Variants in SDK1 observed in about 807,000 individuals in gnomAD.
The protein encoded by SDK1 is protein sidekick-1.
In SDK1, 157 loss-of-function variants were observed where a neutral mutation model predicts 245.5. The observed-to-expected ratio is 0.64, with a 90% CI of 0.56 to 0.73. The LOEUF is 0.73. Among genes scored for constraint, SDK1 ranks in the 30% least tolerant of loss-of-function variants. The pLI is 0.00. For missense variants in SDK1, 3,583 were observed against 3,002.3 expected (o/e 1.19, Z -4.52); for synonymous variants, 1,647 against 1,278.5 (o/e 1.29, Z -6.15).
At chr7:3,968,059 C>T (rs62439589) in intron 10 of SDK1, among the ~76,000 whole-genome samples, 7 of 152,250 alleles carry the variant, frequency 4.6e-5, no homozygotes, top group South Asian at 4.1e-4. Context: ...CGGGCCTTAC[C>T]GTGTCAAGGA....
In SDK1 at chr7:3,452,503, T is replaced by C. The variant is rs540445620; in HGVS notation, c.298+150619T>C. ...GTATGTCAAAAAAGCAAGAAAGTTATGATGAACATGCATTAATAACAAATC... is the reference window on the plus strand; with the variant it reads ...GTATGTCAAAAAAGCAAGAAAGTTACGATGAACATGCATTAATAACAAATC... On this transcript the variant is annotated intron_variant, in intron 1 of 44. Transcript: ENST00000404826. Among the ~76,000 whole-genome samples, 5 of 152,324 alleles carry C rather than the reference T, an allele frequency of 3.3e-5. No homozygotes were observed. The South Asian group carries it at 8.3e-4, about 25-fold the overall frequency.
intron 1 of SDK1, among the ~76,000 whole-genome samples, chr7:3,431,325 A>T (rs927573768): frequency 5.5e-5 from 8 of 144,676 alleles, no homozygotes; most frequent in Non-Finnish European, 1.2e-4. Context: ...ATGAAGAAAG[A>T]CCCCGGGTAG....
chr7:4,074,642 C>T (rs550959180), intron 20 of SDK1, among the ~76,000 whole-genome samples: 2 of 151,876 alleles, frequency 1.3e-5, no homozygotes, highest in Non-Finnish European at 2.9e-5. Context: ...GGGAGGATCG[C>T]TTGATACCAG....
At chr7:3,532,098 T>G (rs1044435937) in intron 1 of SDK1, among the ~76,000 whole-genome samples, 1 of 152,216 alleles carries the variant, frequency 6.6e-6, no homozygotes, top group Admixed American at 6.5e-5. Context: ...ACTTTCTACC[T>G]TCTTACTTTT....
At chr7:3,496,643 C>G (rs1782035650) in intron 1 of SDK1, among the ~76,000 whole-genome samples, 1 of 152,156 alleles carries the variant, frequency 6.6e-6, no homozygotes, top group South Asian at 2.1e-4. Context: ...TTGGTTTACA[C>G]TTAACAGAGT....
intron 32 of SDK1, among the ~76,000 whole-genome samples, chr7:4,164,873 G>C (rs989172983): frequency 2.6e-5 from 4 of 152,322 alleles, no homozygotes; most frequent in Non-Finnish European, 5.9e-5. Flanking sequence ...AGAGCAGGAG[G>C]TGGTCAATAC....
At chr7:3,853,496 TTG>T in intron 5 of SDK1, among the ~76,000 whole-genome samples, 1 of 152,148 alleles carries the variant, frequency 6.6e-6, no homozygotes. Flanking sequence ...ATATATGCAT[TTG>T]TATGCATTAA....
At chr7:3,718,722 A>C (rs1444683430) in intron 4 of SDK1, among the ~76,000 whole-genome samples, 1 of 152,084 alleles carries the variant, frequency 6.6e-6, no homozygotes, top group Non-Finnish European at 1.5e-5. Context: ...CTTTTTCCCC[A>C]AAGTTGGGAA....
Position 3,613,614 on chromosome 7 carries a change from G to A in SDK1, c.299-5466G>A, listed in dbSNP as rs557133750. On this transcript the variant is annotated intron_variant, in intron 1 of 44. Transcript: ENST00000404826. ...TCAAAGACCTAAAGACAGAAATACC[G>A]TTTGACCCAGCAATTACATCACTGG... is the stretch of plus-strand genomic sequence containing the variant. Among the ~76,000 whole-genome samples the A allele has an allele frequency of 5.3e-5, 8 of 152,226 alleles. No individual in the cohort carries two copies. The East Asian group carries it at 5.8e-4, about 11-fold the overall frequency.
chr7:3,674,850 G>T (rs933252325), intron 4 of SDK1, among the ~76,000 whole-genome samples: 10 of 152,134 alleles, frequency 6.6e-5, no homozygotes, highest in African/African-American at 2.4e-4. Context: ...TGGGTAAAGG[G>T]CATGGCTGGA....
chr7:3,421,755 C>T (rs1443496096), intron 1 of SDK1, among the ~76,000 whole-genome samples: 1 of 152,104 alleles, frequency 6.6e-6, no homozygotes, highest in Non-Finnish European at 1.5e-5. Flanking sequence ...AGTCATAACT[C>T]CTCTGATTTA....
intron 41 of SDK1, 60 bp from the exon 42 acceptor site, chr7:4,237,587 G>A (rs73050208): frequency 0.038 from 61,119 of 1,602,124 alleles, 1,345 homozygotes; most frequent in Non-Finnish European, 0.045. Context: ...TGACTCGCGG[G>A]AGGTGACTGC....
chr7:3,343,488 A>C (rs1172524263), intron 1 of SDK1, among the ~76,000 whole-genome samples: 2 of 152,208 alleles, frequency 1.3e-5, no homozygotes, highest in Non-Finnish European at 2.9e-5. Flanking sequence ...CCAGTGGCTA[A>C]AGAGCAGAAG....
chr7:4,071,891 T>G (rs1780278256), intron 20 of SDK1, among the ~76,000 whole-genome samples: 1 of 152,218 alleles, frequency 6.6e-6, no homozygotes, highest in African/African-American at 2.4e-5. Context: ...TTGGTAGATG[T>G]GTGTACACAG....
chr7:3,974,015 C>G (rs1010035435), intron 12 of SDK1, among the ~76,000 whole-genome samples: 2 of 151,730 alleles, frequency 1.3e-5, no homozygotes, highest in Non-Finnish European at 1.5e-5. Flanking sequence ...AACCTCATCT[C>G]TATTAAAAAT....
chr7:4,152,457 C>G (rs1301724641), intron 30 of SDK1, among the ~76,000 whole-genome samples: 2 of 152,192 alleles, frequency 1.3e-5, no homozygotes, highest in South Asian at 2.1e-4. Flanking sequence ...TAACCTCACC[C>G]TTTGTGTAAC....
At chr7:3,406,066 G>A (rs1325113131) in intron 1 of SDK1, among the ~76,000 whole-genome samples, 1 of 152,062 alleles carries the variant, frequency 6.6e-6, no homozygotes, top group Non-Finnish European at 1.5e-5. Flanking sequence ...ACCTGCCTTG[G>A]CCTCCCAAAG....
At chr7:4,000,544 T>C (rs1445200230) in intron 14 of SDK1, among the ~76,000 whole-genome samples, 1 of 152,128 alleles carries the variant, frequency 6.6e-6, no homozygotes, top group Non-Finnish European at 1.5e-5. Context: ...AGGTGCCTTT[T>C]CATGTAGGGA....
chr7:3,897,678 A>AGT lies in SDK1; in HGVS notation c.848-53245_848-53244insGT. Among the ~76,000 whole-genome samples, 2 of 152,252 alleles carry AGT rather than the reference A, an allele frequency of 1.3e-5. 1 individual carries two copies. ...TGCCACGTTCTTCTTAATGTTCAAC[A>AGT]ACTTTGTTAAAATTATTTAAATGCA... On this transcript the variant is annotated intron_variant, in intron 5 of 44. Coordinates refer to ENST00000404826, the MANE Select transcript of SDK1 (RefSeq NM_152744.4).
Sources: gnomAD v4.1 joint callset for allele counts (sites outside exome capture counted in the v4.1 genomes callset) on GRCh38, gnomAD v4.1.1 for gene constraint, MANE v1.5 for transcripts, NCBI Gene and HGNC (gene_info 2026-07-23, HGNC 2026-07-21) for gene names.